Variants in ACTR3C observed in about 807,000 individuals in gnomAD.
The protein encoded by ACTR3C is actin related protein 3C, also known as actin-related protein 3C.
A neutral mutation model predicts 26.3 loss-of-function variants in ACTR3C; 18 were observed. The observed-to-expected ratio is 0.68, with a 90% CI of 0.47 to 1.01. The LOEUF is 1.01. Ranked by LOEUF, ACTR3C falls within the 50% of genes least tolerant of loss-of-function variation. ACTR3C has a pLI of 0.00. For missense variants in ACTR3C, 184 were observed against 250.7 expected (o/e 0.73, Z 1.80); for synonymous variants, 55 against 94.5 (o/e 0.58, Z 2.42).
the ACTR3C span, among the ~76,000 whole-genome samples, chr7:150,036,104 A>G: frequency 2.1e-5 from 2 of 95,484 alleles, no homozygotes; most frequent in African/African-American, 4.1e-5. Context: ...ATGGGGGTGC[A>G]AAGAGCCAGG....
chr7:149,953,306 C>T, the ACTR3C span, among the ~76,000 whole-genome samples: 1 of 149,538 alleles, frequency 6.7e-6, no homozygotes, highest in Admixed American at 6.6e-5. Context: ...ATTTTGCCAA[C>T]TTGTTAACAG....
the ACTR3C span, among the ~76,000 whole-genome samples, chr7:150,166,455 T>G: frequency 2.6e-5 from 4 of 151,046 alleles, no homozygotes; most frequent in South Asian, 8.3e-4. Flanking sequence ...TCCCAGCACT[T>G]TGGGAGGCCG....
intron 1 of ACTR3C, among the ~76,000 whole-genome samples, chr7:150,320,254 G>C (rs1002539645): frequency 1.3e-5 from 2 of 152,160 alleles, no homozygotes; most frequent in African/African-American, 4.8e-5. Context: ...ATTAGAGTAG[G>C]GTATCCTCAG....
chr7:149,907,510 C>CTCTA, the ACTR3C span, among the ~76,000 whole-genome samples: 1 of 150,996 alleles, frequency 6.6e-6, no homozygotes, highest in African/African-American at 2.5e-5. Flanking sequence ...CTCTCTCTCT[C>CTCTA]TCTCAACAAA....
chr7:150,160,532 G>A, the ACTR3C span, among the ~76,000 whole-genome samples: 1 of 152,128 alleles, frequency 6.6e-6, no homozygotes. Flanking sequence ...TGTTTTATGA[G>A]GAAAAGAAGA....
chr7:150,040,228 A>T, the ACTR3C span, among the ~76,000 whole-genome samples: 1 of 147,880 alleles, frequency 6.8e-6, no homozygotes, highest in Non-Finnish European at 1.5e-5. Context: ...TAGGGGGGCC[A>T]TCCTTTAGAA....
the ACTR3C span, among the ~76,000 whole-genome samples, chr7:149,976,840 T>TGG: frequency 5.7e-4 from 87 of 151,482 alleles, no homozygotes; most frequent in Non-Finnish European, 9.7e-4. Context: ...GTCTGTCGAG[T>TGG]GGGGTACAGC....
chr7:149,926,098 C>T, the ACTR3C span, among the ~76,000 whole-genome samples: 3 of 151,766 alleles, frequency 2.0e-5, no homozygotes, highest in Non-Finnish European at 4.4e-5. Flanking sequence ...AAAGAAACCA[C>T]CATGTAATCT....
chr7:150,262,339 G>C (rs1833703095), intron 6 of ACTR3C, among the ~76,000 whole-genome samples: 1 of 152,254 alleles, frequency 6.6e-6, no homozygotes, highest in Non-Finnish European at 1.5e-5. Context: ...TTGCTGCCTT[G>C]TCAACTTAGA....
At chr7:149,931,742 G>A in the ACTR3C span, among the ~76,000 whole-genome samples, 1 of 152,054 alleles carries the variant, frequency 6.6e-6, no homozygotes, top group Non-Finnish European at 1.5e-5. Context: ...TTGTTCTGGG[G>A]GTGCCAACAG....
At position 150,305,347 on chromosome 7, in the gene ACTR3C, C is replaced by T. The variant is rs149727780; in HGVS notation, c.-51-10000G>A. On this transcript the variant is annotated intron_variant, in intron 1 of 7. Coordinates refer to ENST00000683684, the MANE Select transcript of ACTR3C (RefSeq NM_001164458.2). ...TACCATTCTCACCCTACGCCCTCCT[C>T]GGAGGCACCTGTCACCTCACATGGG... 1.9e-3 allele frequency among the ~76,000 whole-genome samples: 284 copies of T among 152,238 alleles called. 1 individual carries two copies. Among genetic ancestry groups the T allele is most frequent in the East Asian group, 0.014 (73 of 5,184 alleles).
chr7:150,248,986 T>G lies in ACTR3C; in HGVS notation c.633A>C (p.Ter211CysextTer50). The change falls in exon 7 of 8, where the codon TGA (stop) becomes TGC (cysteine). Residue 211 changes from the stop codon to cysteine, a stop_lost. Coordinates refer to ENST00000683684, the MANE Select transcript of ACTR3C (RefSeq NM_001164458.2). ...CTACGCATGGGCTCAATATATCATC[T>G]CAATGAAATGGAGGTGACAGAGGAT... ...GFHPLSPPFH* is the reference protein window; with the variant it reads ...GFHPLSPPFHC 1.5e-6 allele frequency: 1 copy of G among 672,796 alleles called. No individual in the cohort carries two copies. Among genetic ancestry groups the G allele is most frequent in the Non-Finnish European group, 2.7e-6 (1 of 372,242 alleles). The allele number at this position is 672,796 out of a possible 1,614,324, so 41.7% of individuals were successfully genotyped here.
the ACTR3C span, among the ~76,000 whole-genome samples, chr7:149,990,240 C>A: frequency 0.044 from 6,624 of 151,586 alleles, 205 homozygotes; most frequent in Non-Finnish European, 0.065. Flanking sequence ...ACCTCCTTCA[C>A]CCACGTGCAC....
At chr7:150,012,315 A>ATTTTTTTTTTTTTTT in the ACTR3C span, among the ~76,000 whole-genome samples, 2 of 91,996 alleles carry the variant, frequency 2.2e-5, no homozygotes, top group African/African-American at 8.4e-5. Flanking sequence ...TTATAAATGC[A>ATTTTTTTTTTTTTTT]TCTTTTTTTT....
chr7:150,006,214 T>TTTA, the ACTR3C span, among the ~76,000 whole-genome samples: 2 of 82,094 alleles, frequency 2.4e-5, no homozygotes, highest in Non-Finnish European at 4.6e-5. Flanking sequence ...TTATTTATTT[T>TTTA]GAGAAGGAGT....
the ACTR3C span, among the ~76,000 whole-genome samples, chr7:150,170,940 A>C: frequency 9.3e-5 from 13 of 139,640 alleles, no homozygotes; most frequent in South Asian, 2.4e-4. Context: ...AATAACCCTA[A>C]ATGTTTATGC....
chr7:150,286,586 G>A, intron 4 of ACTR3C, 46 bp from the exon 5 acceptor site: 1 of 1,595,228 alleles, frequency 6.3e-7, no homozygotes, highest in Non-Finnish European at 8.5e-7. Flanking sequence ...CAACTGCCCA[G>A]TGTCTCTGCC....
At chr7:150,002,414 C>T in the ACTR3C span, 2 of 152,320 alleles carry the variant, frequency 1.3e-5, no homozygotes, top group African/African-American at 4.8e-5. Flanking sequence ...ATCACACAGA[C>T]GTGGAAAACT....
At chr7:150,136,253 C>T in the ACTR3C span, among the ~76,000 whole-genome samples, 4 of 152,284 alleles carry the variant, frequency 2.6e-5, no homozygotes, top group East Asian at 5.8e-4. Flanking sequence ...AGACATGAAG[C>T]GGTAGCGTCT....
Sources: gnomAD v4.1 joint callset for allele counts (sites outside exome capture counted in the v4.1 genomes callset) on GRCh38, gnomAD v4.1.1 for gene constraint, MANE v1.5 for transcripts, NCBI Gene and HGNC (gene_info 2026-07-23, HGNC 2026-07-21) for gene names.